Variants in USH2A observed in about 807,000 individuals in gnomAD.
USH2A encodes usherin, also known as Usher syndrome 2A (autosomal recessive, mild).
In USH2A, 443 loss-of-function variants were observed where a neutral mutation model predicts 538.9. That is an observed-to-expected ratio of 0.82 (90% confidence interval 0.76 to 0.89). The LOEUF (loss-of-function observed/expected upper bound fraction) is 0.89, where lower values mean the gene tolerates loss of function less well. USH2A is among the 40% of genes least tolerant of loss of function. The pLI is 0.00. For missense variants in USH2A, 6,633 were observed against 6,324.8 expected, an observed-to-expected ratio of 1.05 and a Z score of -1.65; for synonymous variants, 2,413 against 2,273.5, an observed-to-expected ratio of 1.06 and a Z score of -1.75.
At chr1:216,413,740 C>T (rs1235543083) in intron 3 of USH2A, among the ~76,000 whole-genome samples, 4 of 152,030 alleles carry the variant, frequency 2.6e-5, no homozygotes, top group African/African-American at 4.8e-5. Context: ...CTGAAAATAG[C>T]ATAGAAAATG....
chr1:215,959,127 G>T (rs1667137851), intron 37 of USH2A, among the ~76,000 whole-genome samples: 1 of 151,334 alleles, frequency 6.6e-6, no homozygotes, highest in Non-Finnish European at 1.5e-5. Context: ...TTTTTATAAT[G>T]TTTTGCAAAA....
intron 20 of USH2A, among the ~76,000 whole-genome samples, chr1:216,189,051 T>C (rs779995900): frequency 1.3e-5 from 2 of 151,968 alleles, no homozygotes; most frequent in African/African-American, 2.4e-5. Flanking sequence ...GATAGTTTTA[T>C]AGGAGAAGAG....
intron 11 of USH2A, among the ~76,000 whole-genome samples, chr1:216,284,549 G>C (rs2036845610): frequency 6.6e-6 from 1 of 152,148 alleles, no homozygotes; most frequent in Non-Finnish European, 1.5e-5. Flanking sequence ...TGTTCTTATA[G>C]TTGAGTGAGA....
At chr1:216,081,806 T>G (rs762324964) in intron 26 of USH2A, among the ~76,000 whole-genome samples, 28 of 152,054 alleles carry the variant, frequency 1.8e-4, no homozygotes, top group Non-Finnish European at 1.5e-5. Flanking sequence ...TTGCCCAGGC[T>G]GGTCTCGAAC....
chr1:216,210,053 C>T (rs2035205258), intron 15 of USH2A, among the ~76,000 whole-genome samples: 1 of 152,130 alleles, frequency 6.6e-6, no homozygotes, highest in African/African-American at 2.4e-5. Context: ...AGAAGGAGTC[C>T]TGCCCCATGC....
At chr1:216,421,138 A>C (rs1403926154) in intron 2 of USH2A, among the ~76,000 whole-genome samples, 2 of 152,128 alleles carry the variant, frequency 1.3e-5, no homozygotes, top group East Asian at 1.9e-4. Context: ...AGAATGAAAA[A>C]CTGGTGATTA....
intron 38 of USH2A, among the ~76,000 whole-genome samples, chr1:215,910,291 T>C (rs1172506345): frequency 6.6e-6 from 1 of 151,978 alleles, no homozygotes; most frequent in Non-Finnish European, 1.5e-5. Flanking sequence ...ATTAATGTCT[T>C]TATTGTAATG....
chr1:216,074,423 C>T (rs1413844919), intron 27 of USH2A, among the ~76,000 whole-genome samples: 2 of 151,932 alleles, frequency 1.3e-5, no homozygotes, highest in African/African-American at 4.8e-5. Context: ...AGCACAGCAG[C>T]AGGAAATGGA....
At chr1:216,205,968 A>G (rs1284927117) in intron 16 of USH2A, among the ~76,000 whole-genome samples, 1 of 152,214 alleles carries the variant, frequency 6.6e-6, no homozygotes, top group Non-Finnish European at 1.5e-5. Context: ...TAAAAGTTAC[A>G]AAGGCAAAGA....
At chr1:216,080,991 T>A (rs2031923908) in intron 26 of USH2A, among the ~76,000 whole-genome samples, 1 of 152,010 alleles carries the variant, frequency 6.6e-6, no homozygotes, top group Non-Finnish European at 1.5e-5. Flanking sequence ...TTTCTACATC[T>A]AAAATATATT....
chr1:216,098,750 TA>T (rs963071489), intron 21 of USH2A, among the ~76,000 whole-genome samples: 3 of 151,966 alleles, frequency 2.0e-5, no homozygotes, highest in Non-Finnish European at 4.4e-5. Flanking sequence ...AAAAGACAAT[TA>T]AAAAAATGTA....
chr1:216,392,101 G>A (rs2039120448), intron 3 of USH2A, among the ~76,000 whole-genome samples: 1 of 152,178 alleles, frequency 6.6e-6, no homozygotes, highest in Non-Finnish European at 1.5e-5. Flanking sequence ...TGTAAGTACT[G>A]TCCTGTCCCT....
chr1:216,003,990 C>T (rs760327622), intron 32 of USH2A, among the ~76,000 whole-genome samples: 3 of 152,092 alleles, frequency 2.0e-5, no homozygotes, highest in African/African-American at 7.2e-5. Flanking sequence ...AACAGGATTT[C>T]CCAGTGCATT....
intron 14 of USH2A, among the ~76,000 whole-genome samples, chr1:216,222,592 G>A (rs139876059): frequency 6.6e-6 from 1 of 152,280 alleles, no homozygotes; most frequent in East Asian, 1.9e-4. Context: ...AGGCAGGAGG[G>A]TAAGAGTCAG....
intron 64 of USH2A, among the ~76,000 whole-genome samples, chr1:215,655,729 T>C (rs1657226804): frequency 7.2e-6 from 1 of 139,658 alleles, no homozygotes; most frequent in African/African-American, 2.8e-5. Flanking sequence ...GTTATTCTTT[T>C]TTTTTTTTTT....
chr1:216,250,921 A>C lies in USH2A; in HGVS notation c.2149T>G (p.Cys717Gly), dbSNP rs1304016981. The part of the protein sequence containing the change: ...TCHQNSGQCK[C>G]KANVIGLRCD... ...CACGTACCAATAACGTTTGCTTTGC[A>C]CTTGCACTGGCCTGAATTTTGGTGA... is the stretch of plus-strand genomic sequence containing the variant. The change falls in exon 12 of 72, where the codon TGC becomes GGC. Residue 717 changes from cysteine to glycine, a missense_variant. Coordinates refer to ENST00000307340, the MANE Select transcript of USH2A (RefSeq NM_206933.4). 4 of 1,613,874 alleles carry C rather than the reference A, an allele frequency of 2.5e-6. No individual in the cohort carries two copies.
chr1:216,338,689 C>T (rs2038020455), intron 4 of USH2A, among the ~76,000 whole-genome samples: 1 of 151,364 alleles, frequency 6.6e-6, no homozygotes, highest in Non-Finnish European at 1.5e-5. Flanking sequence ...ATAAGTGTAA[C>T]TTTTACTGAC....
intron 3 of USH2A, among the ~76,000 whole-genome samples, chr1:216,414,179 G>A (rs1571796622): frequency 6.6e-6 from 1 of 151,950 alleles, no homozygotes; most frequent in East Asian, 1.9e-4. Context: ...TAAAAACTAT[G>A]AATTGATTTT....
chr1:216,239,174 T>A (rs1353823901), intron 13 of USH2A, among the ~76,000 whole-genome samples: 1 of 151,754 alleles, frequency 6.6e-6, no homozygotes, highest in Non-Finnish European at 1.5e-5. Flanking sequence ...AATAAAAAAA[T>A]GTCCACCCCA....
Sources: allele counts gnomAD v4.1 joint callset (sites outside exome capture counted in the v4.1 genomes callset), GRCh38; gene constraint gnomAD v4.1.1; transcripts MANE v1.5; gene names NCBI Gene and HGNC (gene_info 2026-07-23, HGNC 2026-07-21).